ZSWIM6: variants seen among roughly 807,000 people sequenced by gnomAD.
ZSWIM6 encodes zinc finger SWIM domain-containing protein 6.
Under a neutral mutation model 113.2 loss-of-function variants are expected in ZSWIM6, and 9 were observed. That is an observed-to-expected ratio of 0.08 (90% confidence interval 0.05 to 0.14). The LOEUF is 0.14. Ranked by LOEUF, ZSWIM6 falls within the 10% of genes least tolerant of loss-of-function variation. ZSWIM6 has a pLI of 1.00. For missense variants in ZSWIM6, 1,162 were observed against 1,552.2 expected, an observed-to-expected ratio of 0.75 and a Z score of 4.22; for synonymous variants, 611 against 606.5, an observed-to-expected ratio of 1.01 and a Z score of -0.11.
At chr5:61,446,047 T>G (rs1049832750) in intron 1 of ZSWIM6, among the ~76,000 whole-genome samples, 8 of 152,160 alleles carry the variant, frequency 5.3e-5, no homozygotes, top group Non-Finnish European at 1.0e-4. Context: ...ATGCAAACAT[T>G]TATCACATTT....
intron 4 of ZSWIM6, among the ~76,000 whole-genome samples, chr5:61,504,538 G>A (rs1345187647): frequency 6.6e-6 from 1 of 152,172 alleles, no homozygotes; most frequent in Non-Finnish European, 1.5e-5. Context: ...AGAAAAGTCA[G>A]TGCATTAAGA....
chr5:61,457,543 C>CA, intron 1 of ZSWIM6, among the ~76,000 whole-genome samples: 1 of 151,896 alleles, frequency 6.6e-6, no homozygotes. Flanking sequence ...TTTTTTGAGA[C>CA]AGAGTTTCAC....
chr5:61,365,677 C>G (rs1025909510), intron 1 of ZSWIM6, among the ~76,000 whole-genome samples: 3 of 152,130 alleles, frequency 2.0e-5, no homozygotes, highest in African/African-American at 7.2e-5. Flanking sequence ...TACCACTTAG[C>G]GGTTTTCAGT....
At chr5:61,378,599 A>G (rs1303229558) in intron 1 of ZSWIM6, among the ~76,000 whole-genome samples, 1 of 151,816 alleles carries the variant, frequency 6.6e-6, no homozygotes, top group Non-Finnish European at 1.5e-5. Flanking sequence ...CTTGTTGCCC[A>G]GCCTGGAGTG....
intron 4 of ZSWIM6, among the ~76,000 whole-genome samples, chr5:61,505,657 TC>T (rs1748586370): frequency 8.9e-6 from 1 of 112,564 alleles, no homozygotes; most frequent in Non-Finnish European, 1.9e-5. Flanking sequence ...CTTCCTTCCT[TC>T]CTTCCTTCCT....
chr5:61,430,805 A>G (rs1279684289), intron 1 of ZSWIM6, among the ~76,000 whole-genome samples: 1 of 152,230 alleles, frequency 6.6e-6, no homozygotes, highest in Non-Finnish European at 1.5e-5. Context: ...AGATACCTTG[A>G]TCATTCCAAT....
Position 61,541,891 on chromosome 5 carries a change from G to A in ZSWIM6, c.2711G>A (p.Arg904Gln), listed in dbSNP as rs773561526. 13 of 1,549,212 alleles carry A rather than the reference G, an allele frequency of 8.4e-6. No individual in the cohort carries two copies. Among genetic ancestry groups the A allele is most frequent in the East Asian group, 7.3e-5 (3 of 40,868 alleles). Residue 904 changes from arginine to glutamine, a missense_variant, in exon 13 of 14, where the codon CGA (arginine) becomes CAA (glutamine). Transcript: ENST00000252744. ...VSLELGLQVM[R>Q]MTLSTLNWRR... The stretch of plus-strand genomic sequence containing the variant: ...GTTACCCTGTTTTTATAGGTTATGC[G>A]AATGACACTGTCAACCTTAAATTGG...
chr5:61,418,226 CAAA>C (rs1746292252), intron 1 of ZSWIM6, among the ~76,000 whole-genome samples: 1 of 152,046 alleles, frequency 6.6e-6, no homozygotes, highest in African/African-American at 2.4e-5. Context: ...AATTTTAACA[CAAA>C]GAAGGATTCA....
At chr5:61,346,920 C>T (rs979463679) in intron 1 of ZSWIM6, among the ~76,000 whole-genome samples, 2 of 152,128 alleles carry the variant, frequency 1.3e-5, no homozygotes, top group African/African-American at 4.8e-5. Flanking sequence ...TAGCAAAGTA[C>T]TTTTATTTTA....
At chr5:61,531,748 C>A in intron 9 of ZSWIM6, 23 bp downstream of exon 9, 1 of 1,548,360 alleles carries the variant, frequency 6.5e-7, no homozygotes, top group South Asian at 1.2e-5. Context: ...AGAAGTTTTC[C>A]ACTTATTTAG....
intron 1 of ZSWIM6, chr5:61,391,830 G>A (rs902663015): frequency 1.8e-5 from 14 of 780,968 alleles, no homozygotes; most frequent in East Asian, 2.5e-5. Context: ...GCAGGAAGCC[G>A]AGGGACCCAT....
chr5:61,436,525 C>G (rs1429897316), intron 1 of ZSWIM6, among the ~76,000 whole-genome samples: 1 of 152,148 alleles, frequency 6.6e-6, no homozygotes, highest in African/African-American at 2.4e-5. Flanking sequence ...TCACTACCAG[C>G]TTTTCTGGTC....
At chr5:61,538,392 A>T (rs1749639179) in intron 10 of ZSWIM6, among the ~76,000 whole-genome samples, 1 of 152,202 alleles carries the variant, frequency 6.6e-6, no homozygotes, top group Non-Finnish European at 1.5e-5. Flanking sequence ...CTGTGATCTC[A>T]GTCTTAAATA....
At chr5:61,357,732 A>G (rs1212846065) in intron 1 of ZSWIM6, among the ~76,000 whole-genome samples, 1 of 152,160 alleles carries the variant, frequency 6.6e-6, no homozygotes, top group Non-Finnish European at 1.5e-5. Flanking sequence ...ATCTCAGAAT[A>G]GAAGACAGTC....
intron 2 of ZSWIM6, among the ~76,000 whole-genome samples, chr5:61,479,294 AAAG>A (rs1561254674): frequency 6.6e-6 from 1 of 152,116 alleles, no homozygotes; most frequent in Non-Finnish European, 1.5e-5. Context: ...AAGTAGTGCC[AAAG>A]AAGTAGTCTT....
intron 1 of ZSWIM6, among the ~76,000 whole-genome samples, chr5:61,454,547 G>GCCA (rs1376198822): frequency 6.7e-6 from 1 of 150,250 alleles, no homozygotes; most frequent in Non-Finnish European, 1.5e-5. Flanking sequence ...ATAGGTATGA[G>GCCA]CCACCGTGCC....
chr5:61,437,982 G>A (rs1038115131), intron 1 of ZSWIM6, among the ~76,000 whole-genome samples: 4 of 151,580 alleles, frequency 2.6e-5, no homozygotes, highest in African/African-American at 9.7e-5. Flanking sequence ...TGCCATTCAG[G>A]GTGTTCTTAA....
At chr5:61,522,468 G>A (rs886543269) in intron 5 of ZSWIM6, among the ~76,000 whole-genome samples, 8 of 152,156 alleles carry the variant, frequency 5.3e-5, no homozygotes, top group Non-Finnish European at 1.0e-4. Context: ...CTGGAACAAT[G>A]TGCTGAGTTT....
rs193087528 is a variant in ZSWIM6, at chr5:61,348,301, G to A, written c.676+15353G>A. Among the ~76,000 whole-genome samples the A allele has an allele frequency of 9.5e-4, 144 of 152,204 alleles. 1 individual carries two copies. Among genetic ancestry groups the A allele is most frequent in the African/African-American group, 3.4e-3 (140 of 41,538 alleles). On this transcript the variant is annotated intron_variant, in intron 1 of 13. Transcript: ENST00000252744. ...TAGCATACGTAGGATGAGTCTTGGT[G>A]GTAGTGGGTTAAGCCATGGTGGATT...
Sources: allele counts gnomAD v4.1 joint callset (sites outside exome capture counted in the v4.1 genomes callset), GRCh38; gene constraint gnomAD v4.1.1; transcripts MANE v1.5; gene names NCBI Gene and HGNC (gene_info 2026-07-23, HGNC 2026-07-21).